PDZRN3: variants seen among roughly 807,000 people sequenced by gnomAD.
PDZRN3 encodes PDZ domain containing ring finger 3.
In PDZRN3, 38 loss-of-function variants were observed where a neutral mutation model predicts 85.7. The observed-to-expected ratio is 0.44, with a 90% CI of 0.34 to 0.58. The LOEUF (loss-of-function observed/expected upper bound fraction) is 0.58, where lower values mean the gene tolerates loss of function less well. PDZRN3 is among the 20% of genes least tolerant of loss of function. The pLI is 0.01. For missense variants in PDZRN3, 1,629 were observed against 1,506.4 expected, an observed-to-expected ratio of 1.08 and a Z score of -1.35; for synonymous variants, 759 against 638.0, an observed-to-expected ratio of 1.19 and a Z score of -2.86.
At chr3:73,544,841 G>A (rs1056062387) in intron 3 of PDZRN3, among the ~76,000 whole-genome samples, 10 of 152,092 alleles carry the variant, frequency 6.6e-5, no homozygotes, top group African/African-American at 2.4e-4. Context: ...TTATATGCCA[G>A]GCATCACCAT....
chr3:73,538,231 A>G (rs1704835963), intron 3 of PDZRN3, among the ~76,000 whole-genome samples: 1 of 152,202 alleles, frequency 6.6e-6, no homozygotes, highest in Non-Finnish European at 1.5e-5. Context: ...AGCAGCCACA[A>G]AAGACATTCT....
intron 3 of PDZRN3, among the ~76,000 whole-genome samples, chr3:73,418,228 A>C (rs1445651058): frequency 6.6e-6 from 1 of 152,202 alleles, no homozygotes; most frequent in Non-Finnish European, 1.5e-5. Context: ...TGGTGGGTTA[A>C]TACCTTATCT....
At chr3:73,590,575 A>C (rs1246614746) in intron 3 of PDZRN3, among the ~76,000 whole-genome samples, 1 of 152,170 alleles carries the variant, frequency 6.6e-6, no homozygotes, top group African/African-American at 2.4e-5. Flanking sequence ...CTAAAAAGAA[A>C]GTAGTTCTTT....
chr3:73,492,791 T>C (rs949270215), intron 3 of PDZRN3, among the ~76,000 whole-genome samples: 22 of 152,196 alleles, frequency 1.4e-4, no homozygotes, highest in Admixed American at 2.6e-4. Context: ...ATGTTCCCAG[T>C]GCAAATAAAT....
At chr3:73,487,643 A>G (rs1015207420) in intron 3 of PDZRN3, among the ~76,000 whole-genome samples, 7 of 152,164 alleles carry the variant, frequency 4.6e-5, no homozygotes, top group Admixed American at 3.9e-4. Context: ...TCCCCCATAA[A>G]TTTGGGACAG....
At chr3:73,458,724 G>GCT in intron 3 of PDZRN3, among the ~76,000 whole-genome samples, 1 of 151,828 alleles carries the variant, frequency 6.6e-6, no homozygotes, top group East Asian at 1.9e-4. Context: ...GGGTGCGGTG[G>GCT]CTCACACCTG....
rs150224160 is a variant in PDZRN3 at position 73,474,183 on chromosome 3, T to G, written c.919-69788A>C. On this transcript the variant is annotated intron_variant, in intron 3 of 9. Coordinates refer to ENST00000263666, the MANE Select transcript of PDZRN3 (RefSeq NM_015009.3). ...AATTTTGCTCCCACTGCCACGTTGA[T>G]AGGCACTTTCAGAAGTTGCTATGGT... Among the ~76,000 whole-genome samples the G allele has an allele frequency of 5.8e-3, 889 of 152,282 alleles. 3 individuals carry two copies. Among genetic ancestry groups the G allele is most frequent in the African/African-American group, 0.02 (849 of 41,562 alleles).
chr3:73,505,478 T>C (rs1228376982), intron 3 of PDZRN3, among the ~76,000 whole-genome samples: 1 of 152,124 alleles, frequency 6.6e-6, no homozygotes, highest in Non-Finnish European at 1.5e-5. Flanking sequence ...AAAACATCAA[T>C]TGGTTATTCA....
rs549072760 is a variant in PDZRN3 at position 73,501,309 on chromosome 3, G to A, written c.919-96914C>T. ...CTGAGTCCTTTCCACTGTCAACTGG[G>A]ACACGGGCTTTGGAGGTGATGCCCT... On this transcript the variant is annotated intron_variant, in intron 3 of 9. Transcript: ENST00000263666. 4.6e-5 allele frequency among the ~76,000 whole-genome samples: 7 copies of A among 152,282 alleles called. No homozygotes were observed. The South Asian group carries it at 1.0e-3, about 23-fold the overall frequency.
intron 3 of PDZRN3, among the ~76,000 whole-genome samples, chr3:73,455,365 T>G (rs1702957544): frequency 6.6e-6 from 1 of 152,196 alleles, no homozygotes; most frequent in African/African-American, 2.4e-5. Flanking sequence ...GAACCAGAAT[T>G]AAACCTCAGT....
intron 3 of PDZRN3, among the ~76,000 whole-genome samples, chr3:73,520,826 G>T (rs892266342): frequency 6.6e-6 from 1 of 152,100 alleles, no homozygotes; most frequent in African/African-American, 2.4e-5. Flanking sequence ...TAGGGGGCAG[G>T]TCTCACTGGC....
chr3:73,453,404 C>CAAAAAAAAAAAAAAA (rs1184407369), intron 3 of PDZRN3, among the ~76,000 whole-genome samples: 9 of 97,522 alleles, frequency 9.2e-5, no homozygotes, highest in Non-Finnish European at 1.3e-4. Flanking sequence ...GACTTCGTCT[C>CAAAAAAAAAAAAAAA]AAAAAAAAAA....
Position 73,489,967 on chromosome 3 carries a change from T to C in PDZRN3, c.919-85572A>G, listed in dbSNP as rs374081636. Among the ~76,000 whole-genome samples the C allele has an allele frequency of 6.6e-5, 10 of 152,304 alleles. No individual in the cohort carries two copies. The East Asian group carries it at 1.5e-3, about 24-fold the overall frequency. Reference sequence around the variant, plus strand: ...CACAAATGTGATTACAAAATAATGATCTGATTTTGTGAGTAGCTTGTGGAA... The same window carrying C: ...CACAAATGTGATTACAAAATAATGACCTGATTTTGTGAGTAGCTTGTGGAA... On this transcript the variant is annotated intron_variant, in intron 3 of 9. Transcript: ENST00000263666.
intron 3 of PDZRN3, among the ~76,000 whole-genome samples, chr3:73,406,470 G>T (rs992994636): frequency 2.6e-5 from 4 of 152,112 alleles, no homozygotes; most frequent in Non-Finnish European, 5.9e-5. Flanking sequence ...CATAATACAG[G>T]AATTTACAAT....
chr3:73,531,078 G>T (rs989481341), intron 3 of PDZRN3, among the ~76,000 whole-genome samples: 4 of 151,800 alleles, frequency 2.6e-5, no homozygotes, highest in Non-Finnish European at 4.4e-5. Context: ...GTGAAATCCC[G>T]TCTCTACTAA....
chr3:73,384,447 T>G lies in PDZRN3; in HGVS notation c.2119A>C (p.Lys707Gln). The G allele has an allele frequency of 6.2e-7, 1 of 1,612,282 alleles. No individual in the cohort carries two copies. The highest frequency in any genetic ancestry group is 1.1e-5 in the South Asian group (1 of 91,088). ...LECLSIVRAH[K>Q]MQQLKEQYRE... ...TACTGCTCCTTGAGCTGCTGCATCT[T>G]GTGGGCGCGCACGATGCTCAGGCAC... The change falls in exon 10 of 10, where the codon AAG becomes CAG. Residue 707 changes from lysine (K) to glutamine (Q), a missense_variant. Transcript: ENST00000263666.
At position 73,384,214 on chromosome 3, in the gene PDZRN3, C is replaced by T. The variant is rs1408173024; in HGVS notation, c.2352G>A (p.Glu784=). 1 of 1,613,842 alleles carries T rather than the reference C, an allele frequency of 6.2e-7. No homozygotes were observed. Among genetic ancestry groups the T allele is most frequent in the Admixed American group, 1.7e-5 (1 of 60,032 alleles). ...SPDNSLRRAA[E]GISCPSSEGA... ...CTTCGCTGCTCGGGCAGCTGATGCC[C>T]TCCGCCGCTCTCCTCAAGGAGTTGT... The change falls in exon 10 of 10, where the codon GAG becomes GAA. Residue 784 remains glutamate (E), a synonymous_variant. Transcript: ENST00000263666.
intron 2 of PDZRN3, among the ~76,000 whole-genome samples, chr3:73,604,747 G>A (rs1702569035): frequency 6.6e-6 from 1 of 152,226 alleles, no homozygotes; most frequent in African/African-American, 2.4e-5. Context: ...GAGAAAGAGG[G>A]AGATAGGGGA....
chr3:73,561,112 T>C (rs1325107692), intron 3 of PDZRN3, among the ~76,000 whole-genome samples: 1 of 152,230 alleles, frequency 6.6e-6, no homozygotes, highest in African/African-American at 2.4e-5. Context: ...CACCTTCAGT[T>C]AGGATGCTTT....
Sources: allele counts gnomAD v4.1 joint callset (sites outside exome capture counted in the v4.1 genomes callset), GRCh38; gene constraint gnomAD v4.1.1; transcripts MANE v1.5; gene names NCBI Gene and HGNC (gene_info 2026-07-23, HGNC 2026-07-21).